Variants in DENND1A observed in about 807,000 individuals in gnomAD.
The protein encoded by DENND1A is DENN domain containing 1A.
A neutral mutation model predicts 113.7 loss-of-function variants in DENND1A; 51 were observed. That is an observed-to-expected ratio of 0.45 (90% confidence interval 0.36 to 0.57). The LOEUF (loss-of-function observed/expected upper bound fraction) is 0.57. DENND1A is among the 20% of genes least tolerant of loss of function. DENND1A has a pLI of 0.00. For missense variants in DENND1A, 1,258 were observed against 1,395.9 expected (o/e 0.90, Z 1.57); for synonymous variants, 565 against 570.8 (o/e 0.99, Z 0.14).
At chr9:123,857,055 A>G (rs571199275) in intron 2 of DENND1A, among the ~76,000 whole-genome samples, 3 of 152,240 alleles carry the variant, frequency 2.0e-5, no homozygotes, top group South Asian at 2.1e-4. Context: ...GACCCTGACC[A>G]CCAAGAAGGC....
At chr9:123,427,296 A>G (rs2045813892) in intron 19 of DENND1A, among the ~76,000 whole-genome samples, 1 of 152,238 alleles carries the variant, frequency 6.6e-6, no homozygotes, top group Non-Finnish European at 1.5e-5. Flanking sequence ...CTCTGTTTTC[A>G]CAGATGTGGC....
intron 19 of DENND1A, among the ~76,000 whole-genome samples, chr9:123,424,879 G>A (rs1039467296): frequency 1.1e-4 from 17 of 152,200 alleles, no homozygotes; most frequent in African/African-American, 3.9e-4. Context: ...AAAACCCCTA[G>A]GTCCACCTAA....
intron 11 of DENND1A, among the ~76,000 whole-genome samples, chr9:123,607,474 GACACAGAGAGAGAGACACACAC>G (rs1321697995): frequency 3.9e-5 from 5 of 129,328 alleles, no homozygotes; most frequent in Non-Finnish European, 8.3e-5. Flanking sequence ...GAGAGAGAGA[GACACAGAGAGAGAGACACACAC>G]ACACACACAC....
chr9:123,496,162 A>G (rs1399858775), intron 13 of DENND1A, among the ~76,000 whole-genome samples: 3 of 152,266 alleles, frequency 2.0e-5, no homozygotes, highest in Admixed American at 6.5e-5. Context: ...TAAAAAAACC[A>G]TTAAAATGAC....
intron 10 of DENND1A, among the ~76,000 whole-genome samples, chr9:123,619,055 C>T (rs2060805451): frequency 1.3e-5 from 2 of 152,160 alleles, no homozygotes; most frequent in African/African-American, 4.8e-5. Context: ...TCAAGTGATT[C>T]TCCTGCCTCA....
chr9:123,712,638 T>G (rs191160473), intron 5 of DENND1A, among the ~76,000 whole-genome samples: 301 of 152,298 alleles, frequency 2.0e-3, no homozygotes, highest in African/African-American at 7.1e-3. Context: ...CATATGGAAA[T>G]CTGTAGCCAC....
chr9:123,486,682 C>T (rs1427832270), intron 13 of DENND1A, among the ~76,000 whole-genome samples: 1 of 152,220 alleles, frequency 6.6e-6, no homozygotes, highest in East Asian at 1.9e-4. Flanking sequence ...GAGCCCAGTG[C>T]TGGTGCAAGC....
At chr9:123,903,076 T>A (rs886994088) in intron 1 of DENND1A, among the ~76,000 whole-genome samples, 1 of 151,960 alleles carries the variant, frequency 6.6e-6, no homozygotes, top group African/African-American at 2.4e-5. Context: ...CTCACACCTG[T>A]AATCCCAGCA....
At chr9:123,565,959 A>T (rs2058031113) in intron 12 of DENND1A, among the ~76,000 whole-genome samples, 1 of 152,202 alleles carries the variant, frequency 6.6e-6, no homozygotes, top group Non-Finnish European at 1.5e-5. Context: ...TGACAATGAC[A>T]AGTATTTTCA....
At chr9:123,526,041 C>T (rs547404093) in intron 13 of DENND1A, among the ~76,000 whole-genome samples, 14 of 152,112 alleles carry the variant, frequency 9.2e-5, no homozygotes, top group Non-Finnish European at 1.6e-4. Context: ...CAGGTGTGAG[C>T]TGCTGCACTC....
At position 123,477,587 on chromosome 9, in the gene DENND1A, G is replaced by A. The variant is rs552916225; in HGVS notation, c.994-19690C>T. Among the ~76,000 whole-genome samples, 81 of 151,946 alleles carry A rather than the reference G, an allele frequency of 5.3e-4. 1 individual carries two copies. The highest frequency in any genetic ancestry group is 1.2e-3 in the African/African-American group (51 of 41,446). ...GGAACAACACACTCTGGGGCCTGTC[G>A]GGGGAGGGTGGTGGCTGGGGGATAG... On this transcript the variant is annotated intron_variant, in intron 13 of 23. Transcript: ENST00000394215.
chr9:123,925,688 T>G (rs1018231568), intron 1 of DENND1A, among the ~76,000 whole-genome samples: 1 of 152,214 alleles, frequency 6.6e-6, no homozygotes, highest in African/African-American at 2.4e-5. Flanking sequence ...TTAATCTTCT[T>G]AGTTCTACAG....
chr9:123,443,688 C>T (rs2047094364), intron 18 of DENND1A, among the ~76,000 whole-genome samples: 1 of 152,230 alleles, frequency 6.6e-6, no homozygotes, highest in African/African-American at 2.4e-5. Flanking sequence ...GGTGTGGAGG[C>T]TCACGCCGGT....
chr9:123,643,224 G>A (rs2062123141), intron 9 of DENND1A, among the ~76,000 whole-genome samples: 1 of 152,168 alleles, frequency 6.6e-6, no homozygotes, highest in Non-Finnish European at 1.5e-5. Context: ...TGTTGACGCA[G>A]TTAGGAAGAA....
chr9:123,443,905 C>T (rs971121171), intron 18 of DENND1A, among the ~76,000 whole-genome samples: 9 of 151,880 alleles, frequency 5.9e-5, no homozygotes, highest in African/African-American at 9.7e-5. Context: ...TGTAGTGAGC[C>T]GTGATCAGGC....
intron 13 of DENND1A, among the ~76,000 whole-genome samples, chr9:123,508,154 T>C (rs2053132767): frequency 6.6e-6 from 1 of 152,180 alleles, no homozygotes; most frequent in African/African-American, 2.4e-5. Flanking sequence ...CCAGAGCCAG[T>C]GTTATACAAG....
chr9:123,485,327 C>T (rs928241804), intron 13 of DENND1A, among the ~76,000 whole-genome samples: 1 of 152,182 alleles, frequency 6.6e-6, no homozygotes, highest in Non-Finnish European at 1.5e-5. Flanking sequence ...TTAAAGGCTT[C>T]AGCAATCTAC....
chr9:123,534,129 T>A (rs957803610), intron 13 of DENND1A, among the ~76,000 whole-genome samples: 14 of 152,246 alleles, frequency 9.2e-5, no homozygotes, highest in Non-Finnish European at 2.1e-4. Context: ...AATGAGCATC[T>A]GCGAACCTAC....
At chr9:123,852,163 A>G (rs1014037236) in intron 2 of DENND1A, among the ~76,000 whole-genome samples, 2 of 152,092 alleles carry the variant, frequency 1.3e-5, no homozygotes, top group Non-Finnish European at 2.9e-5. Flanking sequence ...AGGGACGGGG[A>G]ACAGTTAACT....
Sources: allele counts gnomAD v4.1 joint callset (sites outside exome capture counted in the v4.1 genomes callset), GRCh38; gene constraint gnomAD v4.1.1; transcripts MANE v1.5; gene names NCBI Gene and HGNC (gene_info 2026-07-23, HGNC 2026-07-21).